SORCS2: variants seen among roughly 807,000 people sequenced by gnomAD.
The protein encoded by SORCS2 is VPS10 domain-containing receptor SorCS2.
In SORCS2, 100 loss-of-function variants were observed where a neutral mutation model predicts 141.6. That is an observed-to-expected ratio of 0.71 (90% CI 0.60 to 0.83). The LOEUF (loss-of-function observed/expected upper bound fraction) is 0.83, where lower values mean the gene tolerates loss of function less well. Ranked by LOEUF, SORCS2 falls within the 40% of genes least tolerant of loss-of-function variation. SORCS2 has a pLI of 0.00. For synonymous variants in SORCS2, 789 were observed against 676.9 expected (o/e 1.17, Z -2.57); for missense variants, 1,646 against 1,560.2 (o/e 1.05, Z -0.93).
At chr4:7,278,970 A>G (rs1440928541) in intron 1 of SORCS2, among the ~76,000 whole-genome samples, 1 of 152,184 alleles carries the variant, frequency 6.6e-6, no homozygotes, top group Non-Finnish European at 1.5e-5. Flanking sequence ...TCAGGAGGCC[A>G]GCCATTGCAA....
chr4:7,433,207 C>G, intron 2 of SORCS2: 1 of 1,207,370 alleles, frequency 8.3e-7, no homozygotes, highest in African/African-American at 1.5e-5. Context: ...CTGCTCCTTC[C>G]CAGCCTCCCT....
At chr4:7,214,177 A>C (rs1728199351) in intron 1 of SORCS2, among the ~76,000 whole-genome samples, 1 of 152,090 alleles carries the variant, frequency 6.6e-6, no homozygotes, top group South Asian at 2.1e-4. Flanking sequence ...TGTGGCTTGA[A>C]ACCCTCCTAA....
chr4:7,218,328 G>T (rs1728499260), intron 1 of SORCS2, among the ~76,000 whole-genome samples: 1 of 152,154 alleles, frequency 6.6e-6, no homozygotes, highest in Non-Finnish European at 1.5e-5. Flanking sequence ...TTCAAGAATG[G>T]CCTCGGTAGC....
In SORCS2 at chr4:7,456,803, C is replaced by T. The variant is rs191083377; in HGVS notation, c.548+60448C>T. Among the ~76,000 whole-genome samples, 756 of 152,160 alleles carry T rather than the reference C, an allele frequency of 5.0e-3. 2 individuals carry two copies. Among genetic ancestry groups the T allele is most frequent in the Admixed American group, 7.1e-3 (109 of 15,298 alleles). On this transcript the variant is annotated intron_variant, in intron 2 of 26. Coordinates refer to ENST00000507866, the MANE Select transcript of SORCS2 (RefSeq NM_020777.3). ...AGGGGGGTGGAGGGTCATCTCTCGA[C>T]GATCAGTGTGGAGGGAAGGATCACA...
intron 23 of SORCS2, among the ~76,000 whole-genome samples, chr4:7,732,939 C>T (rs1183368183): frequency 6.6e-6 from 1 of 151,960 alleles, no homozygotes; most frequent in East Asian, 1.9e-4. Context: ...AGGACTCACA[C>T]TGGTCCACCC....
In SORCS2 at chr4:7,511,073, G is replaced by A. The variant is rs1206012787; in HGVS notation, c.549-20457G>A. Among the ~76,000 whole-genome samples the A allele has an allele frequency of 4.6e-5, 7 of 152,274 alleles. No homozygotes were observed. In the East Asian group the frequency reaches 7.8e-4, roughly 17 times the overall value. On this transcript the variant is annotated intron_variant, in intron 2 of 26. Coordinates refer to ENST00000507866, the MANE Select transcript of SORCS2 (RefSeq NM_020777.3). ...TCCACTCTTGACACTATCTCAGGGC[G>A]GAAGAGGATGAATGAGGGAGAGAAT...
At position 7,217,048 on chromosome 4, in the gene SORCS2, GC is replaced by G. The variant is rs199515570; in HGVS notation, c.480+23923del. Among the ~76,000 whole-genome samples, 511 of 96,220 alleles carry G rather than the reference GC, an allele frequency of 5.3e-3. 6 individuals carry two copies. Among genetic ancestry groups the G allele is most frequent in the Admixed American group, 0.023 (237 of 10,218 alleles). The allele number at this position is 96,220 out of a possible 152,430, so 63.1% of individuals were successfully genotyped here. A position where few individuals can be genotyped will look rare whatever the true frequency, so the allele number is the denominator to read the frequency against. On this transcript the variant is annotated intron_variant, in intron 1 of 26. Transcript: ENST00000507866. ...GCACTACAGCTGCGCTCCTTTGGAT[GC>G]TTGGGTCTGGCCTCACTTCTTAGCC... is the stretch of plus-strand genomic sequence containing the variant.
rs369885447 is a variant in SORCS2, at chr4:7,667,194, C to T, written c.1142C>T (p.Pro381Leu). Residue 381 changes from proline (P) to leucine (L), a missense_variant, in exon 8 of 27, where the codon CCG becomes CTG. Coordinates refer to ENST00000507866, the MANE Select transcript of SORCS2 (RefSeq NM_020777.3). ...AATGAATTTGTCCTGATGAAGCTGC[C>T]GAAGTATGCATTGCCAAAGGTAAGG... ...RRNEFVLMKL[P>L]KYALPKDLQI... The T allele has an allele frequency of 3.7e-6, 6 of 1,613,650 alleles. No homozygotes were observed. Among genetic ancestry groups the T allele is most frequent in the East Asian group, 2.2e-5 (1 of 44,872 alleles).
intron 3 of SORCS2, among the ~76,000 whole-genome samples, chr4:7,619,005 G>A (rs1577848785): frequency 6.6e-6 from 1 of 152,158 alleles, no homozygotes; most frequent in Non-Finnish European, 1.5e-5. Flanking sequence ...AAATGTGAGA[G>A]TAGATGCTTT....
intron 8 of SORCS2, among the ~76,000 whole-genome samples, chr4:7,668,594 G>A (rs1284684198): frequency 6.6e-6 from 1 of 152,098 alleles, no homozygotes; most frequent in Non-Finnish European, 1.5e-5. Context: ...AGCCAGAAAT[G>A]GGAAAAGTCT....
At position 7,741,658 on chromosome 4, in the gene SORCS2, A is replaced by C. The variant is rs138805462; in HGVS notation, c.*1394A>C. Reference sequence around the variant, plus strand: ...GAGCGGGAGAACGCCAGAGCCCTGGATGGTGATGCGCTGGCTGGGGGTGAA... The same window carrying C: ...GAGCGGGAGAACGCCAGAGCCCTGGCTGGTGATGCGCTGGCTGGGGGTGAA... On this transcript the variant is annotated 3_prime_UTR_variant, in exon 27 of 27. Coordinates refer to ENST00000507866, the MANE Select transcript of SORCS2 (RefSeq NM_020777.3). 2,984 of 146,838 alleles carry C rather than the reference A, an allele frequency of 0.02. 80 individuals carry two copies. Among genetic ancestry groups the C allele is most frequent in the African/African-American group, 0.079 (2,715 of 34,328 alleles). 9.1% of individuals were successfully genotyped at this position (146,838 alleles called of 1,614,324 possible).
At chr4:7,266,167 C>A (rs1714714535) in intron 1 of SORCS2, among the ~76,000 whole-genome samples, 1 of 152,180 alleles carries the variant, frequency 6.6e-6, no homozygotes, top group African/African-American at 2.4e-5. Context: ...TTGGGTCCAG[C>A]TCACCCCAAA....
chr4:7,506,191 C>T (rs1732268824), intron 2 of SORCS2, among the ~76,000 whole-genome samples: 4 of 152,068 alleles, frequency 2.6e-5, no homozygotes, highest in South Asian at 2.1e-4. Flanking sequence ...CAGTGAACAG[C>T]GCGTGAGAAA....
At chr4:7,357,306 A>G (rs960633130) in intron 1 of SORCS2, among the ~76,000 whole-genome samples, 2 of 152,238 alleles carry the variant, frequency 1.3e-5, no homozygotes, top group African/African-American at 4.8e-5. Context: ...AAATATGACC[A>G]GATCGACATG....
chr4:7,410,509 C>A (rs554706732), intron 2 of SORCS2, among the ~76,000 whole-genome samples: 1 of 152,300 alleles, frequency 6.6e-6, no homozygotes, highest in East Asian at 1.9e-4. Flanking sequence ...TCATTGTAGA[C>A]CTCATGGGCT....
rs991348920 is a variant in SORCS2, at chr4:7,627,223, G to A, written c.649-11105G>A. On this transcript the variant is annotated intron_variant, in intron 3 of 26. Coordinates refer to ENST00000507866, the MANE Select transcript of SORCS2 (RefSeq NM_020777.3). ...TGGTCTCAAACTCCTGGACTCAAGC[G>A]ATTCACCCACCTCGGCCTCTCAAAA... 5.3e-5 allele frequency among the ~76,000 whole-genome samples: 8 copies of A among 152,258 alleles called. No homozygotes were observed. In the East Asian group the frequency reaches 1.5e-3, roughly 29 times the overall value.
intron 3 of SORCS2, among the ~76,000 whole-genome samples, chr4:7,554,113 A>T (rs4989316): frequency 0.96 from 146,522 of 152,080 alleles, 70,808 homozygotes; most frequent in East Asian, 1. Flanking sequence ...TCATACGGAA[A>T]GGCCATAAGG....
At chr4:7,489,708 A>G (rs35986566) in intron 2 of SORCS2, among the ~76,000 whole-genome samples, 46,015 of 152,116 alleles carry the variant, frequency 0.3, 7,556 homozygotes, top group Middle Eastern at 0.41. Context: ...ACATAATTTA[A>G]GTAAATGCTG....
At position 7,458,791 on chromosome 4, in the gene SORCS2, G is replaced by A. The variant is rs568265407; in HGVS notation, c.548+62436G>A. ...CCAAGGGGGTCCCGGGCACCATAGC[G>A]GGAGCAGTGGTGGTGTCCCCAGGGG... On this transcript the variant is annotated intron_variant, in intron 2 of 26. Coordinates refer to ENST00000507866, the MANE Select transcript of SORCS2 (RefSeq NM_020777.3). Among the ~76,000 whole-genome samples the A allele has an allele frequency of 1.2e-4, 19 of 152,180 alleles. No homozygotes were observed. In the South Asian group the frequency reaches 1.5e-3, roughly 12 times the overall value.
Sources: gnomAD v4.1 joint callset for allele counts (sites outside exome capture counted in the v4.1 genomes callset) on GRCh38, gnomAD v4.1.1 for gene constraint, MANE v1.5 for transcripts, NCBI Gene and HGNC (gene_info 2026-07-23, HGNC 2026-07-21) for gene names.